The following AP3B1 variants were observed in gnomAD, a reference collection of about 807,000 sequenced individuals.
AP3B1 encodes the protein adaptor related protein complex 3 subunit beta 1, also known as AP-3 complex subunit beta-1.
A neutral mutation model predicts 132.5 loss-of-function variants in AP3B1; 61 were observed. That is an observed-to-expected ratio of 0.46 (90% CI 0.37 to 0.57). The LOEUF (loss-of-function observed/expected upper bound fraction) is 0.57. Among genes scored for constraint, AP3B1 ranks in the 20% least tolerant of loss-of-function variants. AP3B1 has a pLI of 0.00. For missense variants in AP3B1, 1,120 were observed against 1,289.4 expected (o/e 0.87, Z 2.01); for synonymous variants, 388 against 438.3 (o/e 0.89, Z 1.43).
intron 3 of AP3B1, among the ~76,000 whole-genome samples, chr5:78,239,901 T>C (rs1747051410): frequency 6.6e-6 from 1 of 152,216 alleles, no homozygotes; most frequent in Non-Finnish European, 1.5e-5. Context: ...AAATGTTTTC[T>C]TTTTCTCTGG....
At chr5:78,102,926 C>T (rs952562013) in intron 20 of AP3B1, among the ~76,000 whole-genome samples, 1 of 152,052 alleles carries the variant, frequency 6.6e-6, no homozygotes. Flanking sequence ...GTGAAATTGG[C>T]ATAATCTCTT....
chr5:78,189,740 C>T (rs552357263), intron 7 of AP3B1, among the ~76,000 whole-genome samples: 1 of 152,022 alleles, frequency 6.6e-6, no homozygotes, highest in South Asian at 2.1e-4. Flanking sequence ...CATAGTGGCA[C>T]ATGCCTATAG....
At chr5:78,156,015 G>A (rs530920165) in intron 14 of AP3B1, among the ~76,000 whole-genome samples, 1 of 152,252 alleles carries the variant, frequency 6.6e-6, no homozygotes, top group East Asian at 1.9e-4. Context: ...ACATCTAGCT[G>A]TTGATATATA....
chr5:78,078,874 A>G (rs1374397891), intron 22 of AP3B1, among the ~76,000 whole-genome samples: 1 of 152,246 alleles, frequency 6.6e-6, no homozygotes, highest in African/African-American at 2.4e-5. Context: ...TTCAGTCTGC[A>G]TGTATGTTAG....
At chr5:78,028,447 C>CA (rs529821027) in intron 24 of AP3B1, among the ~76,000 whole-genome samples, 20,767 of 132,382 alleles carry the variant, frequency 0.16, 1,713 homozygotes, top group South Asian at 0.21. Context: ...GACTCCATCT[C>CA]AAAAAAAAAA....
rs1745659884 is a variant in AP3B1, at chr5:78,209,828, T to A, written c.786+6227A>T. On this transcript the variant is annotated intron_variant, in intron 7 of 26. Transcript: ENST00000255194. Reference sequence around the variant, plus strand: ...GCCTTGTAGTACTATTCATTTTCTTTCTTTTAAACCATGCATATGTTCCTT... The same window carrying A: ...GCCTTGTAGTACTATTCATTTTCTTACTTTTAAACCATGCATATGTTCCTT... 2.0e-5 allele frequency among the ~76,000 whole-genome samples: 3 copies of A among 152,214 alleles called. No individual in the cohort carries two copies. The South Asian group carries it at 6.2e-4, about 31-fold the overall frequency.
intron 22 of AP3B1, among the ~76,000 whole-genome samples, chr5:78,081,582 C>A (rs1750009536): frequency 6.6e-6 from 1 of 152,056 alleles, no homozygotes; most frequent in Non-Finnish European, 1.5e-5. Context: ...CAGGCGTGAG[C>A]CACCGCACCC....
At chr5:78,052,182 A>G (rs553453303) in intron 22 of AP3B1, among the ~76,000 whole-genome samples, 1 of 152,134 alleles carries the variant, frequency 6.6e-6, no homozygotes, top group Non-Finnish European at 1.5e-5. Context: ...ATTTATGATA[A>G]TTTCTCATAT....
chr5:78,015,223 C>T (rs1479786021), intron 26 of AP3B1, among the ~76,000 whole-genome samples, 187 bp downstream of exon 26: 2 of 151,916 alleles, frequency 1.3e-5, no homozygotes, highest in Admixed American at 6.6e-5. Context: ...TAAGGATGCT[C>T]TGAGATGGGA....
chr5:78,113,901 A>G lies in AP3B1; in HGVS notation c.2100T>C (p.Ser700=), dbSNP rs1751706289. ...CCTCCCCACTTTCGCCTTGTTCTCC[A>G]CTTTCACTTCCAGATTCACTCTCTG... ...SDSESESGSE[S]GEQGESGEEG... The change falls in exon 19 of 27, where the codon AGT becomes AGC. Residue 700 remains serine, a synonymous_variant. Transcript: ENST00000255194. 1.2e-6 allele frequency: 2 copies of G among 1,613,954 alleles called. No homozygotes were observed. Among genetic ancestry groups the G allele is most frequent in the Non-Finnish European group, 8.5e-7 (1 of 1,180,022 alleles).
intron 26 of AP3B1, among the ~76,000 whole-genome samples, chr5:78,008,366 G>A (rs1746482571): frequency 1.3e-5 from 2 of 152,122 alleles, no homozygotes; most frequent in South Asian, 4.1e-4. Flanking sequence ...GACATTAAAT[G>A]GTGAACTTAA....
intron 26 of AP3B1, among the ~76,000 whole-genome samples, chr5:78,005,153 A>T (rs1428317658): frequency 6.6e-6 from 1 of 152,174 alleles, no homozygotes; most frequent in Admixed American, 6.5e-5. Context: ...TTCGGTCATC[A>T]CGTGTGTAAT....
chr5:78,006,700 CTGTGTA>C (rs1263012280), intron 26 of AP3B1, among the ~76,000 whole-genome samples: 1 of 152,148 alleles, frequency 6.6e-6, no homozygotes, highest in Non-Finnish European at 1.5e-5. Flanking sequence ...GATGTATTGC[CTGTGTA>C]TGACGGGCTC....
At chr5:78,101,354 C>A (rs572730179) in intron 20 of AP3B1, 11 of 452,106 alleles carry the variant, frequency 2.4e-5, no homozygotes, top group Non-Finnish European at 3.9e-5. Flanking sequence ...AGAAAGTCCA[C>A]AAATATTCTT....
chr5:78,131,752 T>C (rs139964838), intron 15 of AP3B1, among the ~76,000 whole-genome samples: 306 of 152,272 alleles, frequency 2.0e-3, no homozygotes, highest in African/African-American at 6.9e-3. Flanking sequence ...TCTCACCATT[T>C]AACCTGTTCA....
chr5:78,142,307 C>T (rs1753183669), intron 14 of AP3B1, among the ~76,000 whole-genome samples: 1 of 152,068 alleles, frequency 6.6e-6, no homozygotes, highest in Admixed American at 6.6e-5. Context: ...TTTGCATCCT[C>T]CCCTATTCCA....
chr5:78,090,901 C>T (rs1316577301), intron 21 of AP3B1, among the ~76,000 whole-genome samples: 5 of 151,880 alleles, frequency 3.3e-5, no homozygotes, highest in African/African-American at 4.8e-5. Flanking sequence ...CAAGCAATCT[C>T]AGCCTCCTGA....
At chr5:78,187,914 T>G (rs573356843) in intron 7 of AP3B1, among the ~76,000 whole-genome samples, 1 of 151,972 alleles carries the variant, frequency 6.6e-6, no homozygotes, top group East Asian at 1.9e-4. Flanking sequence ...AATAAAGAAC[T>G]CAGAAATAAA....
chr5:78,177,207 T>A (rs1744181154), intron 9 of AP3B1, 132 bp downstream of exon 9: 2 of 656,330 alleles, frequency 3.0e-6, no homozygotes, highest in East Asian at 2.8e-5. Context: ...TCCCCTTAAG[T>A]ATGAAATCTT....
Sources: gnomAD v4.1 joint callset for allele counts (sites outside exome capture counted in the v4.1 genomes callset) on GRCh38, gnomAD v4.1.1 for gene constraint, MANE v1.5 for transcripts, NCBI Gene and HGNC (gene_info 2026-07-23, HGNC 2026-07-21) for gene names.